The following CAGE1 variants were observed in gnomAD, a reference collection of about 807,000 sequenced individuals.
The protein encoded by CAGE1 is cancer antigen 1, also known as cancer-associated gene 1 protein.
Under a neutral mutation model 94.9 loss-of-function variants are expected in CAGE1, and 66 were observed. The ratio of observed to expected loss-of-function variants is 0.70; its 90% confidence interval spans 0.57 to 0.85. The LOEUF (loss-of-function observed/expected upper bound fraction) is 0.85, where lower values mean the gene tolerates loss of function less well. Ranked by LOEUF, CAGE1 falls within the 40% of genes least tolerant of loss-of-function variation. The pLI is 0.00. For missense variants in CAGE1, 865 were observed against 950.4 expected (o/e 0.91, Z 1.18); for synonymous variants, 319 against 321.0 (o/e 0.99, Z 0.07).
intron 11 of CAGE1, chr6:7,340,824 A>G (rs1759140816): frequency 2.4e-6 from 1 of 408,758 alleles, no homozygotes. Context: ...GCATCTTCCA[A>G]CTGCTTCACT....
intron 11 of CAGE1, among the ~76,000 whole-genome samples, chr6:7,346,023 T>C (rs1317310432): frequency 6.6e-6 from 1 of 152,134 alleles, no homozygotes; most frequent in Non-Finnish European, 1.5e-5. Flanking sequence ...AGCACCAATT[T>C]AAAAGAATAT....
In CAGE1 at chr6:7,326,852, G is replaced by T; in HGVS notation, c.*6C>A. On this transcript the variant is annotated 3_prime_UTR_variant, in exon 14 of 14. Coordinates refer to ENST00000502583, the MANE Select transcript of CAGE1 (RefSeq NM_001170692.2). The stretch of plus-strand genomic sequence containing the variant: ...AAAATGATTACTGTTTAATCTTCAG[G>T]CTTGTTTAATCTAAATCATTTCTAT... The T allele has an allele frequency of 1.3e-6, 2 of 1,562,264 alleles. No homozygotes were observed. The highest frequency in any genetic ancestry group is 2.2e-5 in the South Asian group (2 of 90,014).
chr6:7,365,933 C>T, intron 7 of CAGE1, 49 bp from the exon 8 acceptor site: 2 of 1,079,484 alleles, frequency 1.9e-6, no homozygotes, highest in South Asian at 1.5e-5. Flanking sequence ...TACAACTACG[C>T]TCTAATATTT....
chr6:7,387,429 C>T (rs1761157948), intron 1 of CAGE1, among the ~76,000 whole-genome samples: 1 of 152,122 alleles, frequency 6.6e-6, no homozygotes, highest in East Asian at 1.9e-4. Flanking sequence ...CCCTAGAAGG[C>T]TTTGGACCTA....
At chr6:7,328,777 A>C (rs566318808) in intron 13 of CAGE1, among the ~76,000 whole-genome samples, 1 of 152,092 alleles carries the variant, frequency 6.6e-6, no homozygotes, top group East Asian at 1.9e-4. Flanking sequence ...CAACACAAAG[A>C]ACTGATGAAT....
intron 11 of CAGE1, among the ~76,000 whole-genome samples, chr6:7,344,457 G>A (rs1247622560): frequency 3.3e-5 from 5 of 152,206 alleles, no homozygotes; most frequent in South Asian, 2.1e-4. Context: ...CTTCCCGCAG[G>A]GCAGGATTCG....
intron 11 of CAGE1, among the ~76,000 whole-genome samples, chr6:7,347,197 A>G (rs1381731375): frequency 6.6e-6 from 1 of 152,126 alleles, no homozygotes; most frequent in Non-Finnish European, 1.5e-5. Context: ...AGGAATCCTG[A>G]CAGGACCCAC....
rs769864903 is a variant in CAGE1, at chr6:7,343,190, C to CA, written c.2370-9101dup. Among the ~76,000 whole-genome samples, 484 of 113,450 alleles carry CA rather than the reference C, an allele frequency of 4.3e-3. 4 individuals carry two copies. The highest frequency in any genetic ancestry group is 0.013 in the African/African-American group (393 of 29,524). 74.4% of individuals were successfully genotyped at this position (113,450 alleles called of 152,430 possible). A position where few individuals can be genotyped will look rare whatever the true frequency, so the allele number is the denominator to read the frequency against. ...GGCGACAGTGCGAGACTCTGTCCCA[C>CA]AAAAAAAAAAAAGAAAAGAAAAGAA... On this transcript the variant is annotated intron_variant, in intron 11 of 13. Coordinates refer to ENST00000502583, the MANE Select transcript of CAGE1 (RefSeq NM_001170692.2).
chr6:7,388,032 C>CA (rs70978963), intron 1 of CAGE1, among the ~76,000 whole-genome samples: 79 of 64,906 alleles, frequency 1.2e-3, no homozygotes, highest in African/African-American at 2.1e-3. Flanking sequence ...GACTCCATCT[C>CA]AAAAAAAAAA....
intron 11 of CAGE1, chr6:7,341,725 G>A (rs144366546): frequency 4.8e-4 from 333 of 696,734 alleles, no homozygotes; most frequent in African/African-American, 4.3e-3. Flanking sequence ...GGGAGCAGGC[G>A]CCAGGAAGGC....
At chr6:7,376,125 C>T (rs1760734550) in intron 4 of CAGE1, among the ~76,000 whole-genome samples, 2 of 152,042 alleles carry the variant, frequency 1.3e-5, no homozygotes, top group Admixed American at 1.3e-4. Context: ...AGTGGTGGCT[C>T]ACACCTGTAA....
Position 7,374,025 on chromosome 6 carries a change from A to G in CAGE1, c.794T>C (p.Val265Ala). The G allele has an allele frequency of 1.2e-6, 2 of 1,614,038 alleles. No homozygotes were observed. Among genetic ancestry groups the G allele is most frequent in the Non-Finnish European group, 1.7e-6 (2 of 1,179,900 alleles). ...TAEGVERPEI[V>A]STWSSAGISW... ...AATGCCTGCCGAAGACCAAGTTGAG[A>G]CAATTTCTGGCCTCTCCACACCCTC... The change falls in exon 5 of 14, where the codon GTC becomes GCC. Residue 265 changes from valine to alanine, a missense_variant. Physicochemically the swap from Val to Ala is moderately conservative, Grantham distance 64. Transcript: ENST00000502583.
chr6:7,345,693 T>A (rs2003916), intron 11 of CAGE1, among the ~76,000 whole-genome samples: 1 of 151,798 alleles, frequency 6.6e-6, no homozygotes, highest in African/African-American at 2.4e-5. Context: ...TTTGGGAGGC[T>A]GAGGCGGGCA....
chr6:7,352,944 A>G (rs2113404061), intron 11 of CAGE1, among the ~76,000 whole-genome samples: 1 of 152,362 alleles, frequency 6.6e-6, no homozygotes, highest in East Asian at 1.9e-4. Context: ...TAAAAATTCT[A>G]GAAGATAACA....
chr6:7,352,971 T>C (rs190645943), intron 11 of CAGE1, among the ~76,000 whole-genome samples: 68 of 152,276 alleles, frequency 4.5e-4, no homozygotes, highest in African/African-American at 1.5e-3. Context: ...AAAACTCTTC[T>C]AGATATTGGC....
chr6:7,344,757 G>A (rs956454119), intron 11 of CAGE1, among the ~76,000 whole-genome samples: 1 of 152,232 alleles, frequency 6.6e-6, no homozygotes, highest in African/African-American at 2.4e-5. Flanking sequence ...TCTGTATCTA[G>A]CTCAAGGTTT....
At position 7,369,889 on chromosome 6, in the gene CAGE1, C is replaced by A. The variant is rs573436329; in HGVS notation, c.1893+30G>T. The A allele has an allele frequency of 5.1e-6, 8 of 1,571,606 alleles. No individual in the cohort carries two copies. In the East Asian group the frequency reaches 1.8e-4, roughly 36 times the overall value. On this transcript the variant is annotated intron_variant, in intron 6 of 13. Transcript: ENST00000502583. ...AACCCCAGTATTTATTCCTCCCCTACTAAAATATCTAATATATATGTTTTA... is the reference window on the plus strand; with the variant it reads ...AACCCCAGTATTTATTCCTCCCCTAATAAAATATCTAATATATATGTTTTA...
chr6:7,361,592 T>C (rs1266404773), intron 9 of CAGE1, among the ~76,000 whole-genome samples: 1 of 152,310 alleles, frequency 6.6e-6, no homozygotes, highest in Middle Eastern at 3.4e-3. Context: ...CCTTCAGAGA[T>C]ACAAGAGCTC....
At chr6:7,386,640 G>A (rs1341643144) in intron 2 of CAGE1, among the ~76,000 whole-genome samples, 1 of 152,208 alleles carries the variant, frequency 6.6e-6, no homozygotes, top group Non-Finnish European at 1.5e-5. Context: ...AGGCTGGAGT[G>A]CAGTGGCGCG....
Sources: gnomAD v4.1 joint callset for allele counts (sites outside exome capture counted in the v4.1 genomes callset) on GRCh38, gnomAD v4.1.1 for gene constraint, MANE v1.5 for transcripts, NCBI Gene and HGNC (gene_info 2026-07-23, HGNC 2026-07-21) for gene names.